The following GALNTL6 variants were observed in gnomAD, a reference collection of about 807,000 sequenced individuals.
GALNTL6 encodes polypeptide N-acetylgalactosaminyltransferase like 6, also known as polypeptide N-acetylgalactosaminyltransferase-like 6.
A neutral mutation model predicts 73.7 loss-of-function variants in GALNTL6; 46 were observed. The observed-to-expected ratio is 0.62, with a 90% confidence interval of 0.49 to 0.80. GALNTL6 has a LOEUF of 0.80. Ranked by LOEUF, GALNTL6 falls within the 30% of genes least tolerant of loss-of-function variation. The pLI is 0.00. For synonymous variants in GALNTL6, 259 were observed against 263.7 expected, an observed-to-expected ratio of 0.98 and a Z score of 0.17; for missense variants, 604 against 755.0, an observed-to-expected ratio of 0.80 and a Z score of 2.34.
chr4:172,105,315 A>G (rs1732646043), intron 2 of GALNTL6, among the ~76,000 whole-genome samples: 1 of 152,064 alleles, frequency 6.6e-6, no homozygotes, highest in Non-Finnish European at 1.5e-5. Flanking sequence ...ATATAAAGAC[A>G]CGGAAGACAT....
In GALNTL6 at chr4:172,647,451, G is replaced by T. The variant is rs367909609; in HGVS notation, c.554-161910G>T. Among the ~76,000 whole-genome samples the T allele has an allele frequency of 7.9e-5, 12 of 152,072 alleles. No homozygotes were observed. In the East Asian group the frequency reaches 2.1e-3, roughly 27 times the overall value. Reference sequence around the variant, plus strand: ...AAAGGTTGGGATAGGTGAGAGCAGGGTAAGAGTAAAGGTACATAAACCTTT... The same window carrying T: ...AAAGGTTGGGATAGGTGAGAGCAGGTTAAGAGTAAAGGTACATAAACCTTT... On this transcript the variant is annotated intron_variant, in intron 5 of 12. Coordinates refer to ENST00000506823, the MANE Select transcript of GALNTL6 (RefSeq NM_001034845.3).
intron 10 of GALNTL6, among the ~76,000 whole-genome samples, chr4:172,983,782 GCATAGGGCCTACCGCTGCAAAC>G (rs1751175796): frequency 6.6e-6 from 1 of 152,132 alleles, no homozygotes; most frequent in Admixed American, 6.5e-5. Flanking sequence ...AAAGCAAGTA[GCATAGGGCCTACCGCTGCAAAC>G]TCTCAATAAA....
At chr4:171,982,813 T>C (rs1299151924) in intron 2 of GALNTL6, among the ~76,000 whole-genome samples, 1 of 152,206 alleles carries the variant, frequency 6.6e-6, no homozygotes, top group African/African-American at 2.4e-5. Context: ...TCATACTCAC[T>C]ATGCTAAAGG....
At chr4:172,367,788 A>C (rs1742622878) in intron 5 of GALNTL6, among the ~76,000 whole-genome samples, 1 of 152,032 alleles carries the variant, frequency 6.6e-6, no homozygotes, top group Non-Finnish European at 1.5e-5. Flanking sequence ...ACTATATAAA[A>C]CTTACTGCAC....
At chr4:172,671,799 T>C (rs1011635345) in intron 5 of GALNTL6, among the ~76,000 whole-genome samples, 4 of 152,170 alleles carry the variant, frequency 2.6e-5, no homozygotes, top group Non-Finnish European at 5.9e-5. Context: ...GTGTGCCATA[T>C]ATGGCTCTTA....
chr4:172,228,419 A>G (rs1012836688), intron 2 of GALNTL6, among the ~76,000 whole-genome samples: 1 of 152,108 alleles, frequency 6.6e-6, no homozygotes, highest in Non-Finnish European at 1.5e-5. Context: ...TTTTATTTTC[A>G]ACTACCTTTT....
chr4:172,607,965 T>C (rs1001841748), intron 5 of GALNTL6, among the ~76,000 whole-genome samples: 1 of 152,192 alleles, frequency 6.6e-6, no homozygotes, highest in Non-Finnish European at 1.5e-5. Flanking sequence ...CATGTGAATT[T>C]GGTGTATAAA....
intron 2 of GALNTL6, among the ~76,000 whole-genome samples, chr4:171,905,501 G>C (rs577523056): frequency 6.7e-6 from 1 of 150,246 alleles, no homozygotes; most frequent in African/African-American, 2.5e-5. Flanking sequence ...AGCAAGTCCT[G>C]AGTGACCTAC....
At chr4:171,936,074 G>A (rs1484159700) in intron 2 of GALNTL6, among the ~76,000 whole-genome samples, 1 of 152,118 alleles carries the variant, frequency 6.6e-6, no homozygotes, top group Admixed American at 6.6e-5. Context: ...ATTATTTATG[G>A]TCTCCAGGTT....
intron 3 of GALNTL6, among the ~76,000 whole-genome samples, chr4:172,232,581 A>C (rs1196644788): frequency 2.0e-5 from 3 of 152,154 alleles, no homozygotes; most frequent in African/African-American, 7.2e-5. Flanking sequence ...GAGAATGCAC[A>C]GTTGAACTTT....
Position 172,769,486 on chromosome 4 carries a change from G to T in GALNTL6, c.554-39875G>T, listed in dbSNP as rs1458308954. ...GAGGATCATTGAACCATTTCAGAAA[G>T]AAATCAGGAAATAAAGAAACATGAG... On this transcript the variant is annotated intron_variant, in intron 5 of 12. Coordinates refer to ENST00000506823, the MANE Select transcript of GALNTL6 (RefSeq NM_001034845.3). Among the ~76,000 whole-genome samples, 5 of 152,240 alleles carry T rather than the reference G, an allele frequency of 3.3e-5. No individual in the cohort carries two copies. The East Asian group carries it at 9.7e-4, about 29-fold the overall frequency.
intron 8 of GALNTL6, among the ~76,000 whole-genome samples, chr4:172,917,563 ACAAC>A (rs1747587700): frequency 6.6e-6 from 1 of 152,166 alleles, no homozygotes; most frequent in African/African-American, 2.4e-5. Flanking sequence ...AAAAAAACAA[ACAAC>A]CCCATCAAAA....
intron 5 of GALNTL6, among the ~76,000 whole-genome samples, chr4:172,737,879 A>G (rs963077749): frequency 6.6e-6 from 1 of 152,166 alleles, no homozygotes; most frequent in Non-Finnish European, 1.5e-5. Flanking sequence ...TGCCTGTCCC[A>G]AATTGGGAAG....
intron 10 of GALNTL6, among the ~76,000 whole-genome samples, chr4:172,987,898 G>A (rs1751362373): frequency 6.6e-6 from 1 of 152,126 alleles, no homozygotes; most frequent in Non-Finnish European, 1.5e-5. Flanking sequence ...TATAGTTCCT[G>A]TTACAGCTTG....
At chr4:172,120,673 T>G (rs1733123759) in intron 2 of GALNTL6, among the ~76,000 whole-genome samples, 2 of 148,646 alleles carry the variant, frequency 1.3e-5, no homozygotes, top group African/African-American at 2.5e-5. Context: ...AGTCGGGGGG[T>G]GGGGTGGGGA....
At chr4:172,384,292 T>A (rs1743385973) in intron 5 of GALNTL6, among the ~76,000 whole-genome samples, 1 of 152,148 alleles carries the variant, frequency 6.6e-6, no homozygotes, top group Admixed American at 6.5e-5. Context: ...TTGTTATAGA[T>A]CTTTCCAGAT....
intron 2 of GALNTL6, among the ~76,000 whole-genome samples, chr4:171,852,122 G>A (rs572032296): frequency 1.1e-4 from 16 of 152,180 alleles, no homozygotes; most frequent in Non-Finnish European, 2.1e-4. Flanking sequence ...TAAAGGTACT[G>A]TAATTACTGA....
intron 5 of GALNTL6, among the ~76,000 whole-genome samples, chr4:172,791,384 A>G (rs1739987677): frequency 6.6e-6 from 1 of 152,204 alleles, no homozygotes. Flanking sequence ...TAGAACAACC[A>G]GTACATTGAT....
At chr4:172,264,830 A>G (rs1738397124) in intron 3 of GALNTL6, among the ~76,000 whole-genome samples, 1 of 150,642 alleles carries the variant, frequency 6.6e-6, no homozygotes, top group Non-Finnish European at 1.5e-5. Context: ...TACTGGATAT[A>G]CTAGCTATCT....
Sources: allele counts gnomAD v4.1 joint callset (sites outside exome capture counted in the v4.1 genomes callset), GRCh38; gene constraint gnomAD v4.1.1; transcripts MANE v1.5; gene names NCBI Gene and HGNC (gene_info 2026-07-23, HGNC 2026-07-21).